Variants in AGAP1 observed in about 807,000 individuals in gnomAD.
AGAP1 encodes arf-GAP with GTPase, ANK repeat and PH domain-containing protein 1.
In AGAP1, 29 loss-of-function variants were observed where a neutral mutation model predicts 105.3. The observed-to-expected ratio is 0.28, with a 90% CI of 0.21 to 0.38. The LOEUF is 0.38. Among genes scored for constraint, AGAP1 ranks in the 10% least tolerant of loss-of-function variants. The pLI, the probability that AGAP1 is intolerant of heterozygous loss-of-function variation, is 1.00. For missense variants in AGAP1, 998 were observed against 1,165.1 expected (o/e 0.86, Z 2.09); for synonymous variants, 509 against 485.9 (o/e 1.05, Z -0.63).
intron 1 of AGAP1, among the ~76,000 whole-genome samples, chr2:235,593,611 G>A (rs908647981): frequency 2.0e-5 from 3 of 152,106 alleles, no homozygotes; most frequent in Admixed American, 6.6e-5. Flanking sequence ...TATCTACTGT[G>A]TGTTTTGGCT....
intron 16 of AGAP1, among the ~76,000 whole-genome samples, chr2:236,100,636 C>A (rs139627511): frequency 6.6e-6 from 1 of 152,104 alleles, no homozygotes; most frequent in East Asian, 1.9e-4. Flanking sequence ...ATCAGCCTGC[C>A]CAACATGGTG....
At chr2:236,048,698 C>T (rs543466625) in intron 15 of AGAP1, among the ~76,000 whole-genome samples, 1 of 152,246 alleles carries the variant, frequency 6.6e-6, no homozygotes, top group Non-Finnish European at 1.5e-5. Context: ...CAGCTGTCCA[C>T]AGTGGATGCC....
intron 1 of AGAP1, among the ~76,000 whole-genome samples, chr2:235,543,866 T>C (rs1029323211): frequency 6.6e-6 from 1 of 152,150 alleles, no homozygotes; most frequent in Non-Finnish European, 1.5e-5. Flanking sequence ...ACACGTGCCC[T>C]CTAAAAGCAT....
At chr2:235,672,992 A>G (rs1282864541) in intron 1 of AGAP1, among the ~76,000 whole-genome samples, 1 of 152,208 alleles carries the variant, frequency 6.6e-6, no homozygotes, top group Non-Finnish European at 1.5e-5. Flanking sequence ...GGTTGTATAG[A>G]AAAACGGAAA....
At chr2:235,677,364 G>A (rs1375727275) in intron 1 of AGAP1, among the ~76,000 whole-genome samples, 1 of 152,194 alleles carries the variant, frequency 6.6e-6, no homozygotes, top group Non-Finnish European at 1.5e-5. Flanking sequence ...CCAGTGAGAG[G>A]CTTGTGAAGG....
At position 235,573,068 on chromosome 2, in the gene AGAP1, T is replaced by TTC. The variant is rs1553568892; in HGVS notation, c.163+78220_163+78221insCT. Among the ~76,000 whole-genome samples the TTC allele has an allele frequency of 1.2e-4, 15 of 124,140 alleles. 1 individual carries two copies. Among genetic ancestry groups the TTC allele is most frequent in the Non-Finnish European group, 2.2e-4 (14 of 63,906 alleles). 81.4% of individuals were successfully genotyped at this position (124,140 alleles called of 152,430 possible). ...TTCTTCTTCTTCTTCTTCTTTCTTCTTTCTTCTTTCTTCTTTCTTCTTTCT... is the reference window on the plus strand; with the variant it reads ...TTCTTCTTCTTCTTCTTCTTTCTTCTTCTTCTTCTTTCTTCTTTCTTCTTTCT... On this transcript the variant is annotated intron_variant, in intron 1 of 17. Transcript: ENST00000304032.
At chr2:235,916,261 T>A (rs978217020) in intron 11 of AGAP1, among the ~76,000 whole-genome samples, 1 of 152,236 alleles carries the variant, frequency 6.6e-6, no homozygotes, top group Non-Finnish European at 1.5e-5. Flanking sequence ...TGCATGGCCA[T>A]TATCCACTTC....
At position 236,002,876 on chromosome 2, in the gene AGAP1, C is replaced by G. The variant is rs879572005; in HGVS notation, c.1646-33685C>G. On this transcript the variant is annotated intron_variant, in intron 13 of 17. Coordinates refer to ENST00000304032, the MANE Select transcript of AGAP1 (RefSeq NM_001037131.3). This position sits in a 1 kb window ranked among gnomAD's most constrained non-coding sequence, Gnocchi z 4.3. Reference sequence around the variant, plus strand: ...TGTGATTTGAAAAATGACCAAGTCTCCTAAGGTGAAGTTTGTGTGTGAACA... The same window carrying G: ...TGTGATTTGAAAAATGACCAAGTCTGCTAAGGTGAAGTTTGTGTGTGAACA... Among the ~76,000 whole-genome samples, 1 of 152,054 alleles carries G rather than the reference C, an allele frequency of 6.6e-6. No homozygotes were observed. Among genetic ancestry groups the G allele is most frequent in the Non-Finnish European group, 1.5e-5 (1 of 68,016 alleles).
rs749637481 is a variant in AGAP1 at position 235,930,870 on chromosome 2, G to T, written c.1430G>T (p.Ser477Ile). 6.2e-7 allele frequency: 1 copy of T among 1,614,032 alleles called. No individual in the cohort carries two copies. Among genetic ancestry groups the T allele is most frequent in the African/African-American group, 1.3e-5 (1 of 74,940 alleles). The change falls in exon 12 of 18, where the codon AGT becomes ATT. Residue 477 changes from serine to isoleucine, a missense_variant. Ser to Ile is a moderately radical substitution (Grantham distance 142, BLOSUM62 -2). Around this residue, in one of 3 missense-constraint regions of AGAP1, gnomAD observed 735 missense variants for 833.4 expected, o/e 0.88. Coordinates refer to ENST00000304032, the MANE Select transcript of AGAP1 (RefSeq NM_001037131.3). The surrounding 1 kb of genome is among the most constrained non-coding windows in gnomAD (Gnocchi z 7.9). ...GMHQRSYSVS[S>I]ADQWSEATVI... The stretch of plus-strand genomic sequence containing the variant: ...CACCAGCGCTCCTACTCAGTCTCCA[G>T]TGCCGACCAGTGGAGTGAGGCTACG...
rs2125274178 is a variant in AGAP1, at chr2:235,953,148, C to T, written c.1484-15314C>T. On this transcript the variant is annotated intron_variant, in intron 12 of 17. Transcript: ENST00000304032. This position sits in a 1 kb window ranked among gnomAD's most constrained non-coding sequence, Gnocchi z 5.2. ...TTTTCATAATGAAACTTCCTGTCCA[C>T]AGTTTAGGAGAGAGTCTTGAAATCA... is the stretch of plus-strand genomic sequence containing the variant. Among the ~76,000 whole-genome samples, 1 of 152,282 alleles carries T rather than the reference C, an allele frequency of 6.6e-6. No individual in the cohort carries two copies. Among genetic ancestry groups the T allele is most frequent in the East Asian group, 1.9e-4 (1 of 5,184 alleles).
At chr2:235,583,657 A>T (rs1945008890) in intron 1 of AGAP1, among the ~76,000 whole-genome samples, 1 of 147,138 alleles carries the variant, frequency 6.8e-6, no homozygotes, top group East Asian at 2.1e-4. Flanking sequence ...CAGGTGGATC[A>T]GTTGAGGCCA....
Position 235,769,100 on chromosome 2 carries a change from A to G in AGAP1, c.673+18612A>G, listed in dbSNP as rs1226978522. On this transcript the variant is annotated intron_variant, in intron 6 of 17. Coordinates refer to ENST00000304032, the MANE Select transcript of AGAP1 (RefSeq NM_001037131.3). The surrounding 1 kb of genome is among the most constrained non-coding windows in gnomAD (Gnocchi z 4.4). Reference sequence around the variant, plus strand: ...ATTGCCAGCCTTGGATCCTTTTCTCAGATATTTTGTTTTCCTGGGTATTTT... The same window carrying G: ...ATTGCCAGCCTTGGATCCTTTTCTCGGATATTTTGTTTTCCTGGGTATTTT... Among the ~76,000 whole-genome samples the G allele has an allele frequency of 6.6e-6, 1 of 152,172 alleles. No individual in the cohort carries two copies. The highest frequency in any genetic ancestry group is 1.5e-5 in the Non-Finnish European group (1 of 68,034).
At chr2:235,607,010 C>T (rs1945963845) in intron 1 of AGAP1, among the ~76,000 whole-genome samples, 1 of 146,278 alleles carries the variant, frequency 6.8e-6, no homozygotes. Context: ...GAACCTGTTT[C>T]ACACATATTA....
chr2:236,053,340 G>A lies in AGAP1; in HGVS notation c.2114+4059G>A, dbSNP rs1385670649. Reference sequence around the variant, plus strand: ...ATGTCAGGTGCTCTTGCTACTTCGGGGCCTTGGAATTCCTCATGTGAGTGA... The same window carrying A: ...ATGTCAGGTGCTCTTGCTACTTCGGAGCCTTGGAATTCCTCATGTGAGTGA... On this transcript the variant is annotated intron_variant, in intron 16 of 17. Transcript: ENST00000304032. The surrounding 1 kb of genome is among the most constrained non-coding windows in gnomAD (Gnocchi z 4.6). Among the ~76,000 whole-genome samples the A allele has an allele frequency of 2.6e-5, 4 of 152,350 alleles. No individual in the cohort carries two copies. Among genetic ancestry groups the A allele is most frequent in the African/African-American group, 9.6e-5 (4 of 41,590 alleles).
At chr2:235,952,385 TA>T (rs71704665) in intron 12 of AGAP1, among the ~76,000 whole-genome samples, 5,456 of 152,272 alleles carry the variant, frequency 0.036, 301 homozygotes, top group African/African-American at 0.12. Context: ...GCCAAATCCT[TA>T]AAATTTAAAT....
chr2:235,554,357 C>G (rs1943907408), intron 1 of AGAP1, among the ~76,000 whole-genome samples: 1 of 152,214 alleles, frequency 6.6e-6, no homozygotes, highest in East Asian at 1.9e-4. Flanking sequence ...AGGTCCCTCC[C>G]AGGGCCCAGG....
chr2:235,721,686 C>T lies in AGAP1; in HGVS notation c.310+4042C>T, dbSNP rs73996336. Among the ~76,000 whole-genome samples, 3 of 152,102 alleles carry T rather than the reference C, an allele frequency of 2.0e-5. No homozygotes were observed. Among genetic ancestry groups the T allele is most frequent in the East Asian group, 1.9e-4 (1 of 5,184 alleles). ...AGGTTGAATCTGTTCTATGTCTGTGCGGTTCTGATTTAATTAGTGTGTGCA... is the reference window on the plus strand; with the variant it reads ...AGGTTGAATCTGTTCTATGTCTGTGTGGTTCTGATTTAATTAGTGTGTGCA... On this transcript the variant is annotated intron_variant, in intron 3 of 17. Transcript: ENST00000304032. The surrounding 1 kb of genome is among the most constrained non-coding windows in gnomAD (Gnocchi z 4.5).
At chr2:236,118,907 C>T (rs2059836592) in intron 16 of AGAP1, among the ~76,000 whole-genome samples, 1 of 152,020 alleles carries the variant, frequency 6.6e-6, no homozygotes, top group Admixed American at 6.6e-5. Flanking sequence ...TTTTGAGAAA[C>T]CAGAAACCAT....
chr2:235,558,699 C>T (rs780510847), intron 1 of AGAP1, among the ~76,000 whole-genome samples: 5 of 152,092 alleles, frequency 3.3e-5, no homozygotes, highest in Admixed American at 6.5e-5. Flanking sequence ...GACTCTGCCT[C>T]GAAATGTGCG....
Sources: gnomAD v4.1 joint callset for allele counts (sites outside exome capture counted in the v4.1 genomes callset) on GRCh38, gnomAD v4.1.1 for gene constraint, gnomAD v4.1.1 regional missense constraint, Gnocchi (gnomAD v3.1) non-coding constraint, MANE v1.5 for transcripts, NCBI Gene and HGNC (gene_info 2026-07-23, HGNC 2026-07-21) for gene names.